PALM2AKAP2: variants seen among roughly 807,000 people sequenced by gnomAD.
PALM2AKAP2 encodes PALM2-AKAP2 fusion protein.
A neutral mutation model predicts 71.5 loss-of-function variants in PALM2AKAP2; 37 were observed. The ratio of observed to expected loss-of-function variants is 0.52; its 90% CI spans 0.40 to 0.68. PALM2AKAP2 has a LOEUF of 0.68. Among genes scored for constraint, PALM2AKAP2 ranks in the 30% least tolerant of loss-of-function variants. The pLI is 0.00. For synonymous variants in PALM2AKAP2, 468 were observed against 478.8 expected, an observed-to-expected ratio of 0.98 and a Z score of 0.29; for missense variants, 1,224 against 1,191.8, an observed-to-expected ratio of 1.03 and a Z score of -0.40.
At chr9:110,137,198 A>G (rs1448599857) in exon 2 of PALM2AKAP2, 1 of 1,614,122 alleles carries the variant, frequency 6.2e-7, no homozygotes, top group Admixed American at 1.7e-5. Context: ...CACAGAGCAG[A>G]TAGATTTCTC....
chr9:109,777,123 C>T (rs1829359522), upstream of PALM2AKAP2, among the ~76,000 whole-genome samples: 1 of 152,214 alleles, frequency 6.6e-6, no homozygotes, highest in African/African-American at 2.4e-5. Context: ...AGCCCCAACC[C>T]TACGCCATCA....
intron 6 of PALM2AKAP2, among the ~76,000 whole-genome samples, chr9:109,993,803 C>T (rs1168985154): frequency 1.3e-5 from 2 of 151,358 alleles, no homozygotes; most frequent in Admixed American, 1.3e-4. Flanking sequence ...CTCTCTTTCT[C>T]TCTGTCTCCC....
intron 2 of PALM2AKAP2, among the ~76,000 whole-genome samples, chr9:110,140,913 G>T (rs1336076616): frequency 6.6e-6 from 1 of 152,154 alleles, no homozygotes; most frequent in Non-Finnish European, 1.5e-5. Flanking sequence ...AGAGTGCAGT[G>T]ACTTTCTTAA....
intron 3 of PALM2AKAP2, among the ~76,000 whole-genome samples, chr9:109,911,830 A>T (rs1830575603): frequency 6.9e-6 from 1 of 144,964 alleles, no homozygotes; most frequent in Non-Finnish European, 1.5e-5. Context: ...CCTATCTCTT[A>T]ATAAGCCTGC....
intron 3 of PALM2AKAP2, among the ~76,000 whole-genome samples, chr9:110,158,170 T>C (rs1836505107): frequency 6.6e-6 from 1 of 152,238 alleles, no homozygotes; most frequent in Admixed American, 6.5e-5. Flanking sequence ...TCAGTCACTT[T>C]CACCAGCCCT....
chr9:110,137,509 T>G (rs769290675), exon 2 of PALM2AKAP2: 130 of 1,614,036 alleles, frequency 8.1e-5, no homozygotes, highest in Non-Finnish European at 1.1e-4. Flanking sequence ...CTTCTAAACG[T>G]GGGCCCTTAT....
intron 1 of PALM2AKAP2, among the ~76,000 whole-genome samples, chr9:109,722,555 T>C (rs1828420848): frequency 6.6e-6 from 1 of 152,178 alleles, no homozygotes; most frequent in Admixed American, 6.5e-5. Flanking sequence ...GCGGGTTGCC[T>C]GAATCCAGGA....
chr9:109,959,577 G>A (rs113841629), intron 6 of PALM2AKAP2, among the ~76,000 whole-genome samples: 2,777 of 150,750 alleles, frequency 0.018, 49 homozygotes, highest in Non-Finnish European at 0.031. Flanking sequence ...CCCGGGAGGC[G>A]GAACTTGCAG....
intron 1 of PALM2AKAP2, among the ~76,000 whole-genome samples, chr9:109,709,252 G>A (rs989605334): frequency 6.6e-6 from 1 of 152,220 alleles, no homozygotes; most frequent in Non-Finnish European, 1.5e-5. Context: ...GACACCCTGT[G>A]TAGTTATCTT....
Position 110,052,912 on chromosome 9 carries a change from C to T in PALM2AKAP2, c.156+4057C>T, listed in dbSNP as rs112931637. On this transcript the variant is annotated intron_variant, in intron 1 of 3. Transcript: ENST00000374525. ...AGGCTAGCTTTTTAGAAAACTGAAACCTCCAGTATAAACTTAATTTCTGTC... is the reference window on the plus strand; with the variant it reads ...AGGCTAGCTTTTTAGAAAACTGAAATCTCCAGTATAAACTTAATTTCTGTC... Among the ~76,000 whole-genome samples the T allele has an allele frequency of 6.4e-3, 979 of 152,310 alleles. 12 individuals carry two copies. Among genetic ancestry groups the T allele is most frequent in the South Asian group, 0.046 (224 of 4,824 alleles).
At chr9:110,172,101 T>G (rs1836873154) in exon 4 of PALM2AKAP2, 1 of 152,658 alleles carries the variant, frequency 6.6e-6, no homozygotes, top group Non-Finnish European at 1.5e-5. Flanking sequence ...ACAGTGTTGA[T>G]TCTTGTCTCT....
chr9:109,801,502 A>G (rs1169075858), intron 1 of PALM2AKAP2, among the ~76,000 whole-genome samples: 2 of 152,220 alleles, frequency 1.3e-5, no homozygotes, highest in African/African-American at 2.4e-5. Context: ...ATAAAATTAA[A>G]ATGTTTTTGT....
intron 1 of PALM2AKAP2, among the ~76,000 whole-genome samples, chr9:110,102,125 C>T (rs1469115993): frequency 6.6e-6 from 1 of 152,210 alleles, no homozygotes; most frequent in African/African-American, 2.4e-5. Context: ...GATTTGAAAC[C>T]AGTTTTTGAT....
chr9:109,643,609 C>G lies in PALM2AKAP2; in HGVS notation c.5+2743C>G, dbSNP rs74463384. ...GAACAAAGACCTTCCTCATCACATT[C>G]TTCTTGCTCCACAGGATCCAAATTA... On this transcript the variant is annotated intron_variant, in intron 1 of 6. Coordinates refer to the PALM2AKAP2 transcript ENST00000374531. Among the ~76,000 whole-genome samples, 659 of 152,298 alleles carry G rather than the reference C, an allele frequency of 4.3e-3. 3 individuals carry two copies. The highest frequency in any genetic ancestry group is 5.5e-3 in the Non-Finnish European group (374 of 68,024).
At chr9:109,929,144 A>T (rs1409913908) in intron 5 of PALM2AKAP2, among the ~76,000 whole-genome samples, 1 of 150,564 alleles carries the variant, frequency 6.6e-6, no homozygotes, top group Non-Finnish European at 1.5e-5. Context: ...GTTCTTTCAG[A>T]TGGAAAATTC....
intron 1 of PALM2AKAP2, among the ~76,000 whole-genome samples, chr9:109,768,093 G>C (rs1829191908): frequency 6.7e-6 from 1 of 148,708 alleles, no homozygotes; most frequent in African/African-American, 2.5e-5. Flanking sequence ...GGGAAGACAG[G>C]CAGGAAGAAA....
At chr9:109,971,283 CTTTTTTTTTTTTTTTTTTT>C (rs11392589) in intron 6 of PALM2AKAP2, among the ~76,000 whole-genome samples, 1 of 45,640 alleles carries the variant, frequency 2.2e-5, no homozygotes, top group South Asian at 8.6e-4. Context: ...CTCTTAGTCC[CTTTTTTTTTTTTTTTTTTT>C]TTTTTTTTTT....
chr9:109,852,359 A>G (rs949814856), intron 1 of PALM2AKAP2, among the ~76,000 whole-genome samples: 1 of 152,190 alleles, frequency 6.6e-6, no homozygotes, highest in African/African-American at 2.4e-5. Flanking sequence ...GTTGCTGCAA[A>G]GAACATGATT....
At chr9:109,820,931 T>G (rs1332904086) in intron 1 of PALM2AKAP2, among the ~76,000 whole-genome samples, 1 of 152,212 alleles carries the variant, frequency 6.6e-6, no homozygotes, top group African/African-American at 2.4e-5. Flanking sequence ...CTGGAATTCA[T>G]TTACTTTAGA....
Sources: allele counts gnomAD v4.1 joint callset (sites outside exome capture counted in the v4.1 genomes callset), GRCh38; gene constraint gnomAD v4.1.1; transcripts MANE v1.5; gene names NCBI Gene and HGNC (gene_info 2026-07-23, HGNC 2026-07-21).